SVOPL: variants seen among roughly 807,000 people sequenced by gnomAD.
SVOPL encodes putative transporter SVOPL.
Under a neutral mutation model 61.0 loss-of-function variants are expected in SVOPL, and 60 were observed. The ratio of observed to expected loss-of-function variants is 0.98; its 90% CI spans 0.80 to 1.22. SVOPL has a LOEUF of 1.22. Ranked by LOEUF, SVOPL falls within the 50% of genes most tolerant of loss-of-function variation. The probability of loss-of-function intolerance (pLI) is 0.00; values close to 1 mark genes in which losing one functional copy is unlikely to be tolerated. For missense variants in SVOPL, 662 were observed against 643.9 expected (o/e 1.03, Z -0.30); for synonymous variants, 279 against 250.0 (o/e 1.12, Z -1.09).
intron 3 of SVOPL, 102 bp from the exon 4 acceptor site, chr7:138,672,219 C>A: frequency 3.7e-6 from 4 of 1,070,032 alleles, no homozygotes; most frequent in Non-Finnish European, 4.2e-6. Flanking sequence ...TCCCCTTTGT[C>A]CTTCCCCATT....
chr7:138,674,524 C>T (rs1224200204), intron 3 of SVOPL, among the ~76,000 whole-genome samples: 1 of 151,788 alleles, frequency 6.6e-6, no homozygotes, highest in Admixed American at 6.6e-5. Flanking sequence ...GGCAGAGAGC[C>T]CTTCCTAGCT....
intron 13 of SVOPL, among the ~76,000 whole-genome samples, chr7:138,622,034 C>T (rs796643286): frequency 2.1e-5 from 1 of 48,088 alleles, no homozygotes; most frequent in Non-Finnish European, 4.8e-5. Flanking sequence ...ATCTATCTAT[C>T]TATGTATCTA....
chr7:138,638,742 A>C (rs1409332602), intron 9 of SVOPL, among the ~76,000 whole-genome samples: 2 of 152,252 alleles, frequency 1.3e-5, no homozygotes, highest in Non-Finnish European at 2.9e-5. Context: ...AAGGTAGCAA[A>C]TAATATTAAA....
chr7:138,670,469 G>C lies in SVOPL; in HGVS notation c.273+1550C>G, dbSNP rs58299439. Among the ~76,000 whole-genome samples, 8 of 151,988 alleles carry C rather than the reference G, an allele frequency of 5.3e-5. No individual in the cohort carries two copies. The East Asian group carries it at 1.2e-3, about 22-fold the overall frequency. Reference sequence around the variant, plus strand: ...TTCAGACTTTTGCATTTTTGACAACGGGATGACTCCACCCAGACCCATGAC... The same window carrying C: ...TTCAGACTTTTGCATTTTTGACAACCGGATGACTCCACCCAGACCCATGAC... On this transcript the variant is annotated intron_variant, in intron 4 of 15. Coordinates refer to ENST00000674285, the MANE Select transcript of SVOPL (RefSeq NM_001139456.2).
chr7:138,644,868 A>T (rs774310465), intron 8 of SVOPL, 23 bp from the exon 9 acceptor site: 14 of 1,614,072 alleles, frequency 8.7e-6, no homozygotes, highest in Admixed American at 1.7e-5. Flanking sequence ...TACAAAGAAC[A>T]TCAGAGTGGC....
intron 14 of SVOPL, 118 bp downstream of exon 14, chr7:138,620,928 C>T (rs1055974733): frequency 1.1e-6 from 1 of 929,498 alleles, no homozygotes; most frequent in Admixed American, 2.4e-5. Flanking sequence ...AACGGCACCT[C>T]CAGAAAACTC....
chr7:138,681,878 A>G (rs1048409106), intron 1 of SVOPL, among the ~76,000 whole-genome samples: 2 of 152,180 alleles, frequency 1.3e-5, no homozygotes, highest in Non-Finnish European at 2.9e-5. Flanking sequence ...AGATGGGACA[A>G]TTTGAACATC....
At chr7:138,603,955 CTTTTT>C (rs560678707) in intron 14 of SVOPL, among the ~76,000 whole-genome samples, 56 of 109,242 alleles carry the variant, frequency 5.1e-4, no homozygotes, top group African/African-American at 1.4e-3. Flanking sequence ...TTAATTTATT[CTTTTT>C]TTTTTTTTTT....
chr7:138,663,331 T>C (rs1350936534), intron 4 of SVOPL, 186 bp from the exon 5 acceptor site: 2 of 1,431,754 alleles, frequency 1.4e-6, no homozygotes, highest in African/African-American at 2.9e-5. Flanking sequence ...CAGCTCCCTG[T>C]TGGTGGGAGC....
intron 14 of SVOPL, among the ~76,000 whole-genome samples, chr7:138,606,232 T>C (rs1473275284): frequency 6.6e-6 from 1 of 152,088 alleles, no homozygotes; most frequent in Non-Finnish European, 1.5e-5. Flanking sequence ...GTCTGAGGTA[T>C]TACCTGGAGT....
In SVOPL at chr7:138,628,271, G is replaced by T. The variant is rs201768743; in HGVS notation, c.956C>A (p.Ala319Glu). 335 of 1,614,140 alleles carry T rather than the reference G, an allele frequency of 2.1e-4. 4 individuals carry two copies. In the South Asian group the frequency reaches 3.5e-3, roughly 17 times the overall value. The change falls in exon 11 of 16, where the codon GCG becomes GAG. Residue 319 changes from alanine to glutamate, a missense_variant. By Grantham distance (107) the Ala-to-Glu change is moderately radical (BLOSUM62 -1). Coordinates refer to ENST00000674285, the MANE Select transcript of SVOPL (RefSeq NM_001139456.2). ...TGAGTCCCCCCCAGTCACCACCACC[G>T]CAGAGTCTGACTTTGAACCACAGAC... is the stretch of plus-strand genomic sequence containing the variant. ...DLVCGSKSDS[A>E]VVVTGGDSGE...
intron 8 of SVOPL, among the ~76,000 whole-genome samples, chr7:138,645,353 T>C (rs527858538): frequency 6.6e-6 from 1 of 152,136 alleles, no homozygotes; most frequent in Non-Finnish European, 1.5e-5. Context: ...GGACTTCCAC[T>C]GAAGCTCGAG....
chr7:138,661,553 A>T, intron 5 of SVOPL: 1 of 985,336 alleles, frequency 1.0e-6, no homozygotes, highest in Non-Finnish European at 1.2e-6. Flanking sequence ...TAGTTTCCAG[A>T]CTAGCTGATA....
intron 4 of SVOPL, chr7:138,664,251 G>A: frequency 2.0e-6 from 2 of 976,230 alleles, no homozygotes; most frequent in South Asian, 9.6e-5. Context: ...CACCTAGCGC[G>A]CGCCTAACCC....
chr7:138,596,468 G>A lies in SVOPL; in HGVS notation c.1416C>T (p.Cys472=), dbSNP rs150828068. The A allele has an allele frequency of 7.8e-4, 1,251 of 1,613,806 alleles. 3 individuals carry two copies. Among genetic ancestry groups the A allele is most frequent in the Non-Finnish European group, 9.1e-4 (1,071 of 1,179,854 alleles). The change falls in exon 15 of 16, where the codon TGC becomes TGT. Residue 472 remains cysteine (C), a synonymous_variant. Coordinates refer to ENST00000674285, the MANE Select transcript of SVOPL (RefSeq NM_001139456.2). ...TGGGGAGAGTGAATGCAGAAATGGC[G>A]CATACAACACAGACAGATGAGAAGA... ...LCLFSSVCVV[C]AISAFTLPIE...
chr7:138,696,357 A>G (rs1803064879), intron 1 of SVOPL, among the ~76,000 whole-genome samples: 1 of 151,750 alleles, frequency 6.6e-6, no homozygotes, highest in African/African-American at 2.4e-5. Flanking sequence ...CAGTCTCCCA[A>G]ATAGCTGGAA....
intron 14 of SVOPL, among the ~76,000 whole-genome samples, chr7:138,615,141 G>C (rs1324187614): frequency 6.6e-6 from 1 of 152,128 alleles, no homozygotes. Context: ...GGGTGCTTTT[G>C]TCCCTCCAAA....
chr7:138,618,009 C>T (rs1799374746), intron 14 of SVOPL, among the ~76,000 whole-genome samples: 1 of 152,070 alleles, frequency 6.6e-6, no homozygotes, highest in Non-Finnish European at 1.5e-5. Flanking sequence ...GACACCAAAC[C>T]CTACTGTCTA....
intron 1 of SVOPL, among the ~76,000 whole-genome samples, chr7:138,690,807 C>G (rs891912729): frequency 1.3e-5 from 2 of 151,500 alleles, no homozygotes; most frequent in African/African-American, 2.4e-5. Flanking sequence ...GAGTCTCACT[C>G]TGTTGCCCAG....
Sources: gnomAD v4.1 joint callset for allele counts (sites outside exome capture counted in the v4.1 genomes callset) on GRCh38, gnomAD v4.1.1 for gene constraint, MANE v1.5 for transcripts, NCBI Gene and HGNC (gene_info 2026-07-23, HGNC 2026-07-21) for gene names.